Variants in SLC8A1 observed in about 807,000 individuals in gnomAD.
The protein encoded by SLC8A1 is solute carrier family 8 member A1.
A neutral mutation model predicts 68.3 loss-of-function variants in SLC8A1; 18 were observed. That is an observed-to-expected ratio of 0.26 (90% CI 0.18 to 0.39). The LOEUF is 0.39. Among genes scored for constraint, SLC8A1 ranks in the 10% least tolerant of loss-of-function variants. SLC8A1 has a pLI of 1.00. For synonymous variants in SLC8A1, 475 were observed against 415.5 expected (o/e 1.14, Z -1.74); for missense variants, 985 against 1,156.7 (o/e 0.85, Z 2.15).
chr2:40,265,979 C>T (rs1199185334), intron 2 of SLC8A1, among the ~76,000 whole-genome samples: 2 of 152,148 alleles, frequency 1.3e-5, no homozygotes, highest in African/African-American at 2.4e-5. Flanking sequence ...CATAAAAAAG[C>T]CACATTAATT....
chr2:40,303,700 G>A (rs1015780105), intron 2 of SLC8A1, among the ~76,000 whole-genome samples: 1 of 152,132 alleles, frequency 6.6e-6, no homozygotes, highest in Non-Finnish European at 1.5e-5. Flanking sequence ...TATAAAAATG[G>A]ACTCGGAGGA....
intron 2 of SLC8A1, among the ~76,000 whole-genome samples, chr2:40,320,075 G>C (rs909369611): frequency 3.3e-5 from 5 of 151,968 alleles, no homozygotes; most frequent in African/African-American, 9.7e-5. Flanking sequence ...ATAAATATTG[G>C]TATTTGTCTC....
At chr2:40,287,077 T>C (rs542375472) in intron 2 of SLC8A1, among the ~76,000 whole-genome samples, 1 of 152,228 alleles carries the variant, frequency 6.6e-6, no homozygotes, top group East Asian at 1.9e-4. Flanking sequence ...TTAAAACAAT[T>C]TGGAACTCAG....
intron 7 of SLC8A1, among the ~76,000 whole-genome samples, chr2:40,122,196 A>G (rs1572801051): frequency 9.0e-6 from 1 of 111,664 alleles, no homozygotes; most frequent in South Asian, 2.8e-4. Flanking sequence ...TCACAAGTGC[A>G]TGCGCGCGCG....
At chr2:40,260,174 TTC>T (rs376387069) in intron 2 of SLC8A1, among the ~76,000 whole-genome samples, 177 of 152,318 alleles carry the variant, frequency 1.2e-3, no homozygotes, top group African/African-American at 3.9e-3. Flanking sequence ...CCCTCCTTTT[TTC>T]TCTCTCTTTC....
chr2:40,243,680 A>T (rs1263266030), intron 2 of SLC8A1, among the ~76,000 whole-genome samples: 2 of 152,166 alleles, frequency 1.3e-5, no homozygotes, highest in African/African-American at 4.8e-5. Context: ...AGCACTGTGT[A>T]TTTTTGGAAG....
chr2:40,376,747 A>C (rs983246344), intron 2 of SLC8A1, among the ~76,000 whole-genome samples: 13 of 152,220 alleles, frequency 8.5e-5, no homozygotes, highest in Admixed American at 7.9e-4. Flanking sequence ...TAACTGCCTC[A>C]AAAGTATTGA....
At chr2:40,226,818 G>C (rs765256612) in intron 2 of SLC8A1, among the ~76,000 whole-genome samples, 54 of 152,150 alleles carry the variant, frequency 3.5e-4, no homozygotes, top group Admixed American at 3.9e-4. Context: ...GTTAATGGAA[G>C]TGCCACTAAT....
chr2:40,217,828 A>T (rs182597861), intron 2 of SLC8A1, among the ~76,000 whole-genome samples: 3 of 152,356 alleles, frequency 2.0e-5, no homozygotes. Context: ...GTCAATCTAA[A>T]TCATACCTGC....
At chr2:40,142,019 A>G (rs924646544) in intron 6 of SLC8A1, among the ~76,000 whole-genome samples, 1 of 152,188 alleles carries the variant, frequency 6.6e-6, no homozygotes, top group Non-Finnish European at 1.5e-5. Flanking sequence ...AATTTCTGTT[A>G]TTCAAACCAC....
At chr2:40,134,098 T>TTTTTCTG (rs1553348401) in intron 7 of SLC8A1, among the ~76,000 whole-genome samples, 1 of 144,270 alleles carries the variant, frequency 6.9e-6, no homozygotes, top group Non-Finnish European at 1.5e-5. Flanking sequence ...TTTGTTTGTG[T>TTTTTCTG]TTTTTTTTTT....
chr2:40,413,816 TA>T, intron 2 of SLC8A1, among the ~76,000 whole-genome samples: 1 of 152,304 alleles, frequency 6.6e-6, no homozygotes, highest in Admixed American at 6.5e-5. Flanking sequence ...AATCCTTGGA[TA>T]AATATAACAT....
chr2:40,101,543 A>AG (rs1370062047), exon 8 of SLC8A1: 1 of 152,090 alleles, frequency 6.6e-6, no homozygotes, highest in Admixed American at 6.6e-5. Flanking sequence ...CTGACTGGAG[A>AG]GGCTGCCTCA....
intron 2 of SLC8A1, among the ~76,000 whole-genome samples, chr2:40,337,901 T>C (rs186833620): frequency 4.6e-5 from 7 of 152,302 alleles, no homozygotes; most frequent in Admixed American, 2.0e-4. Context: ...GTAAGTTAGA[T>C]GTCTTACTAG....
chr2:40,354,374 C>A lies in SLC8A1; in HGVS notation c.1808+74099G>T, dbSNP rs542159313. 1.7e-4 allele frequency among the ~76,000 whole-genome samples: 20 copies of A among 117,332 alleles called. 1 individual carries two copies. Among genetic ancestry groups the A allele is most frequent in the African/African-American group, 5.4e-4 (20 of 37,330 alleles). The allele number at this position is 117,332 out of a possible 152,430, so 77.0% of individuals were successfully genotyped here. A position where few individuals can be genotyped will look rare whatever the true frequency, so the allele number is the denominator to read the frequency against. Reference sequence around the variant, plus strand: ...CATTTTGTAATCCAAAGAGCTATTTCTTTACCTTCAAGTCACACTCCGTGC... The same window carrying A: ...CATTTTGTAATCCAAAGAGCTATTTATTTACCTTCAAGTCACACTCCGTGC... On this transcript the variant is annotated intron_variant, in intron 2 of 7. Transcript: ENST00000406785.
At chr2:40,312,562 G>T (rs1465080333) in intron 2 of SLC8A1, among the ~76,000 whole-genome samples, 2 of 151,944 alleles carry the variant, frequency 1.3e-5, no homozygotes, top group African/African-American at 4.8e-5. Flanking sequence ...AAAATATACA[G>T]GTATAAATAT....
At chr2:40,268,389 G>A (rs942674865) in intron 2 of SLC8A1, among the ~76,000 whole-genome samples, 2 of 152,128 alleles carry the variant, frequency 1.3e-5, no homozygotes, top group African/African-American at 4.8e-5. Context: ...CATTGAACTA[G>A]GTAGAGTTGC....
rs147149861 is a variant in SLC8A1 at position 40,141,640 on chromosome 2, T to C, written c.2162-1964A>G. 2.3e-3 allele frequency among the ~76,000 whole-genome samples: 345 copies of C among 152,320 alleles called. 4 individuals are homozygous for C. Among genetic ancestry groups the C allele is most frequent in the African/African-American group, 7.9e-3 (328 of 41,568 alleles). On this transcript the variant is annotated intron_variant, in intron 6 of 7. Transcript: ENST00000406785. ...CAGTATTTATTATATCAACTTTACC[T>C]GGAAGCAGAAGATACTTTTTAATAA... is the stretch of plus-strand genomic sequence containing the variant.
intron 1 of SLC8A1, among the ~76,000 whole-genome samples, chr2:40,495,886 A>T (rs912483122): frequency 6.6e-6 from 1 of 152,084 alleles, no homozygotes; most frequent in Non-Finnish European, 1.5e-5. Context: ...TTCGTCATAA[A>T]GAACTGTCAA....
Sources: allele counts gnomAD v4.1 joint callset (sites outside exome capture counted in the v4.1 genomes callset), GRCh38; gene constraint gnomAD v4.1.1; transcripts MANE v1.5; gene names NCBI Gene and HGNC (gene_info 2026-07-23, HGNC 2026-07-21).